The following MORF4L1 variants were observed in gnomAD, a reference collection of about 807,000 sequenced individuals.
MORF4L1 encodes mortality factor 4-like protein 1.
A neutral mutation model predicts 52.9 loss-of-function variants in MORF4L1; 4 were observed. That is an observed-to-expected ratio of 0.08 (90% confidence interval 0.04 to 0.17). The LOEUF (loss-of-function observed/expected upper bound fraction) is 0.17, where lower values mean the gene tolerates loss of function less well. MORF4L1 is among the 10% of genes least tolerant of loss of function. The pLI is 1.00. For missense variants in MORF4L1, 214 were observed against 390.4 expected (o/e 0.55, Z 3.81); for synonymous variants, 123 against 134.8 (o/e 0.91, Z 0.61).
intron 3 of MORF4L1, among the ~76,000 whole-genome samples, chr15:78,883,146 C>T (rs62013164): frequency 6.0e-4 from 88 of 147,758 alleles, no homozygotes; most frequent in Admixed American, 1.4e-3. Context: ...ACCCAGGAGG[C>T]GAAGGTTGCA....
rs1298904714 is a variant in MORF4L1 at position 78,897,841 on chromosome 15, GC to G, written c.*776del. On this transcript the variant is annotated 3_prime_UTR_variant, in exon 12 of 12. Coordinates refer to ENST00000426013, the MANE Select transcript of MORF4L1 (RefSeq NM_006791.4). ...GGTGCGTGCTTTGTTTTCTGGTATG[GC>G]CTTTATGGAATGAGACGCTTTAGCT... 1 of 152,442 alleles carries G rather than the reference GC, an allele frequency of 6.6e-6. No homozygotes were observed. The highest frequency in any genetic ancestry group is 1.5e-5 in the Non-Finnish European group (1 of 68,024). The allele number at this position is 152,442 out of a possible 1,614,324, so 9.4% of individuals were successfully genotyped here.
intron 3 of MORF4L1, 150 bp downstream of exon 3, chr15:78,880,729 A>G (rs2056586135): frequency 1.7e-6 from 1 of 588,036 alleles, no homozygotes; most frequent in Non-Finnish European, 2.9e-6. Context: ...GTATGACAAA[A>G]CTATTAGAAA....
At chr15:78,875,195 G>A (rs913161452) in intron 1 of MORF4L1, among the ~76,000 whole-genome samples, 1 of 152,152 alleles carries the variant, frequency 6.6e-6, no homozygotes, top group African/African-American at 2.4e-5. Context: ...GGGTTTATCA[G>A]ACTGTCAAGG....
rs532055483 is a variant in MORF4L1 at position 78,894,562 on chromosome 15, C to T, written c.803-258C>T. On this transcript the variant is annotated intron_variant, in intron 10 of 11. Transcript: ENST00000426013. Reference sequence around the variant, plus strand: ...AGCTGGGATCACAGGTGTGCACCACCACATCTGTGGTAATTTTTGTATTTT... The same window carrying T: ...AGCTGGGATCACAGGTGTGCACCACTACATCTGTGGTAATTTTTGTATTTT... 32 of 446,740 alleles carry T rather than the reference C, an allele frequency of 7.2e-5. No individual in the cohort carries two copies. In the South Asian group the frequency reaches 9.0e-4, roughly 13 times the overall value. The allele number at this position is 446,740 out of a possible 1,614,324, so 27.7% of individuals were successfully genotyped here.
chr15:78,876,494 A>C (rs1272277697), intron 1 of MORF4L1: 1 of 455,120 alleles, frequency 2.2e-6, no homozygotes, highest in Non-Finnish European at 4.4e-6. Flanking sequence ...TTTTCAACAA[A>C]ATACTAGGGC....
At chr15:78,886,779 C>T (rs947701140) in intron 4 of MORF4L1, among the ~76,000 whole-genome samples, 7 of 152,156 alleles carry the variant, frequency 4.6e-5, no homozygotes, top group African/African-American at 1.7e-4. Context: ...CACGGTGAAA[C>T]CCCGTCTCTA....
intron 1 of MORF4L1, among the ~76,000 whole-genome samples, chr15:78,875,918 G>C (rs1410595637): frequency 6.6e-6 from 1 of 151,962 alleles, no homozygotes; most frequent in Non-Finnish European, 1.5e-5. Flanking sequence ...AGAGTGGCGA[G>C]AAGTAGTGTT....
At chr15:78,876,916 CAT>C (rs1459451110) in intron 1 of MORF4L1, among the ~76,000 whole-genome samples, 1 of 151,942 alleles carries the variant, frequency 6.6e-6, no homozygotes, top group African/African-American at 2.4e-5. Flanking sequence ...CTTGAAAATA[CAT>C]AGTTTTAAAA....
At chr15:78,876,717 T>C (rs1477408171) in intron 1 of MORF4L1, 3 of 349,332 alleles carry the variant, frequency 8.6e-6, no homozygotes, top group South Asian at 6.5e-5. Context: ...CCTGGGCCGT[T>C]GGAGAAGTCT....
intron 8 of MORF4L1, chr15:78,892,618 T>G (rs1221117233): frequency 1.4e-5 from 3 of 214,718 alleles, no homozygotes; most frequent in Non-Finnish European, 2.8e-5. Context: ...TGTCTTACTG[T>G]CATTGCTAAT....
At chr15:78,880,476 T>G (rs1323369517) in intron 2 of MORF4L1, 36 bp from the exon 3 acceptor site, 2 of 1,507,916 alleles carry the variant, frequency 1.3e-6, no homozygotes, top group Non-Finnish European at 1.8e-6. Flanking sequence ...TTTAAAAAAT[T>G]TCTAAGTGAA....
At chr15:78,873,095 G>C in intron 1 of MORF4L1, 38 bp downstream of exon 1, 1 of 1,550,286 alleles carries the variant, frequency 6.5e-7, no homozygotes, top group South Asian at 1.2e-5. Flanking sequence ...ACCTAACGGC[G>C]CAGGAGATAG....
At chr15:78,875,679 C>A (rs1331972799) in intron 1 of MORF4L1, among the ~76,000 whole-genome samples, 1 of 151,688 alleles carries the variant, frequency 6.6e-6, no homozygotes, top group South Asian at 2.1e-4. Flanking sequence ...CCCGGCTACT[C>A]GGGCGGCTGA....
chr15:78,896,280 A>G (rs1484022546), intron 11 of MORF4L1, among the ~76,000 whole-genome samples: 1 of 146,850 alleles, frequency 6.8e-6, no homozygotes, highest in African/African-American at 2.5e-5. Flanking sequence ...TTGGCCTGAT[A>G]GGATTTTTTT....
At chr15:78,884,972 C>T (rs201494621) in intron 3 of MORF4L1, 1 of 1,613,270 alleles carries the variant, frequency 6.2e-7, no homozygotes, top group East Asian at 2.2e-5. Context: ...ATCAGAAGTG[C>T]TGTGAGGCCC....
chr15:78,894,694 C>T (rs2056856426), intron 10 of MORF4L1, 126 bp from the exon 11 acceptor site: 2 of 744,768 alleles, frequency 2.7e-6, no homozygotes, highest in East Asian at 2.6e-5. Context: ...AGGCGTGAGC[C>T]ACTATGCCCG....
At chr15:78,889,695 C>T (rs1035630892) in intron 5 of MORF4L1, among the ~76,000 whole-genome samples, 1 of 151,962 alleles carries the variant, frequency 6.6e-6, no homozygotes, top group Non-Finnish European at 1.5e-5. Context: ...AACTAACAGA[C>T]AAGAGAAAAC....
chr15:78,880,654 T>C, intron 3 of MORF4L1, 75 bp downstream of exon 3: 1 of 1,095,350 alleles, frequency 9.1e-7, no homozygotes. Flanking sequence ...AGCAAGCATA[T>C]GCTTTTCAAT....
intron 1 of MORF4L1, among the ~76,000 whole-genome samples, chr15:78,873,511 C>G (rs2056412395): frequency 6.6e-6 from 1 of 151,710 alleles, no homozygotes; most frequent in Non-Finnish European, 1.5e-5. Context: ...CCTGGAGCCC[C>G]GGGGTGGTTG....
Sources: allele counts gnomAD v4.1 joint callset (sites outside exome capture counted in the v4.1 genomes callset), GRCh38; gene constraint gnomAD v4.1.1; transcripts MANE v1.5; gene names NCBI Gene and HGNC (gene_info 2026-07-23, HGNC 2026-07-21).